Variants in CAST observed in about 807,000 individuals in gnomAD.
CAST encodes the protein calpastatin.
A neutral mutation model predicts 119.6 loss-of-function variants in CAST; 76 were observed. The ratio of observed to expected loss-of-function variants is 0.64; its 90% CI spans 0.53 to 0.77. CAST has a LOEUF of 0.77. Ranked by LOEUF, CAST falls within the 30% of genes least tolerant of loss-of-function variation. The pLI is 0.00. For synonymous variants in CAST, 319 were observed against 331.6 expected (o/e 0.96, Z 0.41); for missense variants, 953 against 946.5 (o/e 1.01, Z -0.09).
At chr5:96,223,617 C>T in the CAST span, among the ~76,000 whole-genome samples, 2 of 152,124 alleles carry the variant, frequency 1.3e-5, no homozygotes, top group Non-Finnish European at 2.9e-5. Flanking sequence ...CACTTCTAGC[C>T]TCCAAGACTG....
chr5:96,608,570 C>T lies in CAST; in HGVS notation c.61-66969C>T, dbSNP rs544214943. Among the ~76,000 whole-genome samples, 24 of 152,058 alleles carry T rather than the reference C, an allele frequency of 1.6e-4. No individual in the cohort carries two copies. The South Asian group carries it at 5.0e-3, about 32-fold the overall frequency. ...AGGCTATGAAGAGAAAGTTCTCATGCATAAATATATGACAACAAAAACTAT... is the reference window on the plus strand; with the variant it reads ...AGGCTATGAAGAGAAAGTTCTCATGTATAAATATATGACAACAAAAACTAT... On this transcript the variant is annotated intron_variant, in intron 1 of 11. Coordinates refer to the CAST transcript ENST00000505143.
At chr5:95,967,408 C>A in the CAST span, among the ~76,000 whole-genome samples, 2 of 20,142 alleles carry the variant, frequency 9.9e-5, no homozygotes, top group South Asian at 2.2e-3. Context: ...TGTAGTGAGA[C>A]CCTATCTTTA....
the CAST span, among the ~76,000 whole-genome samples, chr5:96,193,773 A>C: frequency 2.6e-5 from 4 of 152,340 alleles, no homozygotes; most frequent in Middle Eastern, 6.8e-3. Context: ...TAACATCAGC[A>C]GGATGTTGCT....
chr5:96,391,075 C>T, the CAST span: 2 of 152,372 alleles, frequency 1.3e-5, no homozygotes, highest in South Asian at 4.1e-4. Context: ...AGTTTTAATA[C>T]TTTTTGATAT....
rs201292811 is a variant in CAST at position 96,710,327 on chromosome 5, TC to T, written c.211-12310del. Among the ~76,000 whole-genome samples, 591 of 152,264 alleles carry T rather than the reference TC, an allele frequency of 3.9e-3. 10 individuals are homozygous for T. The highest frequency in any genetic ancestry group is 0.033 in the South Asian group (158 of 4,820). On this transcript the variant is annotated intron_variant, in intron 3 of 31. Coordinates refer to ENST00000675179, the MANE Select transcript of CAST (RefSeq NM_001750.7). ...AGCAATAGACGGTAGAAAATGGTGG[TC>T]CTTTCAATGAGCCACTACAAAGCCA...
At chr5:95,962,199 C>G in the CAST span, 1 of 247,038 alleles carries the variant, frequency 4.0e-6, no homozygotes, top group East Asian at 7.6e-5. Flanking sequence ...GGAGCCCCGC[C>G]CCTGTGGGGG....
chr5:96,767,351 C>A lies in CAST; in HGVS notation c.2131-87C>A. On this transcript the variant is annotated intron_variant, in intron 27 of 31. Transcript: ENST00000675179. ...ACACTCCATTTTATCCAAGTCAAGT[C>A]ATGGGACAATAGATTCTCTACTGCC... is the stretch of plus-strand genomic sequence containing the variant. 4.7e-6 allele frequency: 5 copies of A among 1,060,630 alleles called. No homozygotes were observed. The South Asian group carries it at 5.4e-5, about 12-fold the overall frequency. The allele number at this position is 1,060,630 out of a possible 1,614,324, so 65.7% of individuals were successfully genotyped here.
At chr5:96,613,730 A>G (rs767927510) in intron 1 of CAST, among the ~76,000 whole-genome samples, 23 of 152,220 alleles carry the variant, frequency 1.5e-4, no homozygotes, top group Non-Finnish European at 2.5e-4. Flanking sequence ...GTAACTACCT[A>G]TCTCCCTGGA....
At chr5:96,510,501 G>A in the CAST span, among the ~76,000 whole-genome samples, 5 of 152,034 alleles carry the variant, frequency 3.3e-5, no homozygotes, top group South Asian at 2.1e-4. Context: ...TTTTCCCACC[G>A]ATCTTGTTTT....
the CAST span, among the ~76,000 whole-genome samples, chr5:96,506,334 G>A: frequency 6.6e-6 from 1 of 151,624 alleles, no homozygotes; most frequent in Non-Finnish European, 1.5e-5. Flanking sequence ...AAAGAGCTAA[G>A]CTGAGGCACC....
the CAST span, among the ~76,000 whole-genome samples, chr5:96,320,726 A>AC: frequency 1 from 152,363 of 152,364 alleles, 76,181 homozygotes; most frequent in Non-Finnish European, 1. Context: ...TAGTTGTACA[A>AC]TAGACAGTCC....
intron 1 of CAST, among the ~76,000 whole-genome samples, chr5:96,540,229 G>T (rs1320575442): frequency 2.6e-5 from 4 of 151,882 alleles, no homozygotes; most frequent in Non-Finnish European, 5.9e-5. Flanking sequence ...AAAAAAGTCA[G>T]CCCATGTAGT....
chr5:96,090,904 C>T, the CAST span, among the ~76,000 whole-genome samples: 1 of 152,036 alleles, frequency 6.6e-6, no homozygotes, highest in East Asian at 1.9e-4. Flanking sequence ...CTCAAGTCCA[C>T]AGAGGAGGAC....
the CAST span, among the ~76,000 whole-genome samples, chr5:96,285,180 G>A: frequency 3.0e-4 from 46 of 152,102 alleles, no homozygotes; most frequent in African/African-American, 1.1e-3. Flanking sequence ...GCCAAACATC[G>A]TTCCAGGTAC....
chr5:96,099,341 G>A, the CAST span, among the ~76,000 whole-genome samples: 3 of 152,082 alleles, frequency 2.0e-5, no homozygotes, highest in Non-Finnish European at 4.4e-5. Context: ...GACTCCTCTG[G>A]CCAGGACTTC....
the CAST span, among the ~76,000 whole-genome samples, chr5:96,124,807 T>G: frequency 1.3e-5 from 2 of 152,174 alleles, no homozygotes; most frequent in African/African-American, 4.8e-5. Context: ...AACAAAACAA[T>G]GAAATTTTTT....
At chr5:96,525,438 T>C (rs1019055320), upstream of CAST, 6 of 152,142 alleles carry the variant, frequency 3.9e-5, no homozygotes, top group African/African-American at 1.4e-4. Context: ...GTAATGTTCT[T>C]TTTGTACATT....
chr5:96,227,719 A>G, the CAST span, among the ~76,000 whole-genome samples: 8 of 152,214 alleles, frequency 5.3e-5, no homozygotes, highest in African/African-American at 1.7e-4. Flanking sequence ...CAAAAATTAC[A>G]TGGTAGCCTG....
intron 1 of CAST, among the ~76,000 whole-genome samples, chr5:96,598,353 C>A (rs1277949972): frequency 3.9e-5 from 6 of 152,144 alleles, no homozygotes; most frequent in Non-Finnish European, 8.8e-5. Context: ...CCAGCTAGTT[C>A]CCTGGGTCAG....
Sources: allele counts gnomAD v4.1 joint callset (sites outside exome capture counted in the v4.1 genomes callset), GRCh38; gene constraint gnomAD v4.1.1; transcripts MANE v1.5; gene names NCBI Gene and HGNC (gene_info 2026-07-23, HGNC 2026-07-21).